PAFAH1B1: variants seen among roughly 807,000 people sequenced by gnomAD.
PAFAH1B1 encodes platelet-activating factor acetylhydrolase IB subunit beta.
In PAFAH1B1, 2 loss-of-function variants were observed where a neutral mutation model predicts 57.5. That is an observed-to-expected ratio of 0.03 (90% CI 0.01 to 0.11). The LOEUF is 0.11. PAFAH1B1 is among the 10% of genes least tolerant of loss of function. PAFAH1B1 has a pLI of 1.00. For missense variants in PAFAH1B1, 257 were observed against 512.0 expected, an observed-to-expected ratio of 0.50 and a Z score of 4.81; for synonymous variants, 152 against 169.6, an observed-to-expected ratio of 0.90 and a Z score of 0.81.
intron 1 of PAFAH1B1, among the ~76,000 whole-genome samples, chr17:2,630,367 A>G (rs1345950038): frequency 1.3e-5 from 2 of 152,142 alleles, no homozygotes; most frequent in African/African-American, 4.8e-5. Context: ...TTCATACACG[A>G]TGCTTGGTTT....
intron 7 of PAFAH1B1, 42 bp downstream of exon 7, chr17:2,672,799 G>A (rs2069201933): frequency 8.0e-7 from 1 of 1,242,524 alleles, no homozygotes; most frequent in Non-Finnish European, 1.2e-6. Context: ...GCCAGGTGCA[G>A]TGGCTCACAC....
In PAFAH1B1 at chr17:2,667,151, C is replaced by T. The variant is rs1451577273; in HGVS notation, c.352C>T (p.Pro118Ser). Residue 118 changes from proline to serine, a missense_variant, in exon 5 of 11, where the codon CCT becomes TCT. Transcript: ENST00000397195. ...RSPVTRVIFH[P>S]VFSVMVSASE... ...TCCAGTCACTCGAGTCATTTTCCAT[C>T]CTGTGTTCAGTGTTATGGTCTCTGC... The T allele has an allele frequency of 1.2e-6, 2 of 1,613,802 alleles. No homozygotes were observed. Among genetic ancestry groups the T allele is most frequent in the Non-Finnish European group, 1.7e-6 (2 of 1,179,778 alleles).
At chr17:2,675,998 T>C (rs1265080673) in intron 8 of PAFAH1B1, among the ~76,000 whole-genome samples, 1 of 152,264 alleles carries the variant, frequency 6.6e-6, no homozygotes, top group East Asian at 1.9e-4. Flanking sequence ...CTAACCTAAA[T>C]AGAGACTTCT....
At chr17:2,621,099 AT>A (rs1168799884) in intron 1 of PAFAH1B1, among the ~76,000 whole-genome samples, 2 of 152,198 alleles carry the variant, frequency 1.3e-5, no homozygotes, top group Admixed American at 1.3e-4. Context: ...TCATAAATGA[AT>A]TTGAAAAAAT....
intron 1 of PAFAH1B1, among the ~76,000 whole-genome samples, chr17:2,611,676 AAAG>A (rs920129541): frequency 2.0e-5 from 3 of 152,104 alleles, no homozygotes; most frequent in African/African-American, 7.2e-5. Context: ...GAATTTTAAA[AAAG>A]AAGAGTGAGA....
At chr17:2,665,905 C>T in intron 3 of PAFAH1B1, 111 bp from the exon 4 acceptor site, 1 of 1,177,436 alleles carries the variant, frequency 8.5e-7, no homozygotes, top group Non-Finnish European at 1.2e-6. Context: ...CAGCCACTCC[C>T]TTTTTTTATA....
rs1456056088 is a variant in PAFAH1B1 at position 2,682,501 on chromosome 17, G to C, written c.*699G>C. 1.3e-5 allele frequency: 2 copies of C among 152,516 alleles called. No homozygotes were observed. Among genetic ancestry groups the C allele is most frequent in the East Asian group, 3.9e-4 (2 of 5,192 alleles). 9.4% of individuals were successfully genotyped at this position (152,516 alleles called of 1,614,324 possible). On this transcript the variant is annotated 3_prime_UTR_variant, in exon 11 of 11. Coordinates refer to ENST00000397195, the MANE Select transcript of PAFAH1B1 (RefSeq NM_000430.4). ...ATAGCAACTCATTTATTTCATTTTG[G>C]TCTTAATGCTTTGTAAACAGGTCAA...
chr17:2,648,950 T>C (rs948163924), intron 2 of PAFAH1B1, among the ~76,000 whole-genome samples: 51 of 152,080 alleles, frequency 3.4e-4, no homozygotes, highest in African/African-American at 1.1e-3. Context: ...GCTCATGTAG[T>C]AAGGCAACAG....
intron 2 of PAFAH1B1, among the ~76,000 whole-genome samples, chr17:2,644,404 G>A (rs571822462): frequency 8.0e-4 from 121 of 152,162 alleles, no homozygotes; most frequent in Non-Finnish European, 2.4e-4. Context: ...TGAGCCGGGC[G>A]TGGTGGTGGG....
rs563940151 is a variant in PAFAH1B1 at position 2,674,424 on chromosome 17, C to T, written c.900+136C>T. The T allele has an allele frequency of 2.6e-4, 186 of 707,336 alleles. 1 individual carries two copies. In the South Asian group the frequency reaches 2.8e-3, roughly 11 times the overall value. 43.8% of individuals were successfully genotyped at this position (707,336 alleles called of 1,614,324 possible). A position where few individuals can be genotyped will look rare whatever the true frequency, so the allele number is the denominator to read the frequency against. ...CAGCAATTCTGAATCTTGAAATTCT[C>T]TACTCTTCACAGCTTGCTGATGTGT... On this transcript the variant is annotated intron_variant, in intron 8 of 10. Coordinates refer to ENST00000397195, the MANE Select transcript of PAFAH1B1 (RefSeq NM_000430.4).
rs142885405 is a variant in PAFAH1B1 at position 2,626,168 on chromosome 17, C to T, written c.-190-11931C>T. On this transcript the variant is annotated intron_variant, in intron 1 of 10. Transcript: ENST00000397195. ...ACTCGGGAGGCTGAGGCAAAACAAT[C>T]GCTTGAACCCAGGAGGCAGAGGTTG... Among the ~76,000 whole-genome samples, 459 of 151,954 alleles carry T rather than the reference C, an allele frequency of 3.0e-3. 1 individual carries two copies. Among genetic ancestry groups the T allele is most frequent in the African/African-American group, 9.8e-3 (407 of 41,456 alleles).
chr17:2,657,769 A>T (rs998878668), intron 2 of PAFAH1B1, among the ~76,000 whole-genome samples: 5 of 152,132 alleles, frequency 3.3e-5, no homozygotes, highest in African/African-American at 1.2e-4. Context: ...TGCTCCTCAG[A>T]TAGGTTTACA....
At position 2,682,909 on chromosome 17, in the gene PAFAH1B1, AAG is replaced by A. The variant is rs1299763689; in HGVS notation, c.*1108_*1109del. On this transcript the variant is annotated 3_prime_UTR_variant, in exon 11 of 11. Coordinates refer to ENST00000397195, the MANE Select transcript of PAFAH1B1 (RefSeq NM_000430.4). ...CTTTTGTTTATATGTAAATGTTTGT[AAG>A]TATATGGGCCTATCTGTAAGTGGAT... 1.3e-5 allele frequency: 2 copies of A among 152,630 alleles called. No homozygotes were observed. The highest frequency in any genetic ancestry group is 2.9e-5 in the Non-Finnish European group (2 of 68,036). The allele number at this position is 152,630 out of a possible 1,614,324, so 9.5% of individuals were successfully genotyped here.
chr17:2,597,330 G>A (rs576313739), intron 1 of PAFAH1B1, among the ~76,000 whole-genome samples: 1 of 150,098 alleles, frequency 6.7e-6, no homozygotes, highest in Non-Finnish European at 1.5e-5. Flanking sequence ...CTAGTGTAAA[G>A]AGATTTTGAG....
intron 1 of PAFAH1B1, among the ~76,000 whole-genome samples, chr17:2,636,488 T>G (rs1231191637): frequency 2.6e-5 from 4 of 152,172 alleles, no homozygotes; most frequent in Non-Finnish European, 5.9e-5. Flanking sequence ...ACTCTTCCTC[T>G]GTTGCCCAGA....
chr17:2,597,672 G>T (rs1444290032), intron 1 of PAFAH1B1, among the ~76,000 whole-genome samples: 1 of 151,528 alleles, frequency 6.6e-6, no homozygotes, highest in East Asian at 1.9e-4. Context: ...GCCTCTCAAA[G>T]TTCTGGAATT....
At chr17:2,634,032 T>C (rs1444080850) in intron 1 of PAFAH1B1, among the ~76,000 whole-genome samples, 4 of 150,660 alleles carry the variant, frequency 2.7e-5, no homozygotes, top group African/African-American at 9.8e-5. Context: ...AGTTTGGTAC[T>C]GGAGATTTCA....
chr17:2,649,823 C>T (rs942625261), intron 2 of PAFAH1B1, among the ~76,000 whole-genome samples: 11 of 152,072 alleles, frequency 7.2e-5, no homozygotes, highest in African/African-American at 2.7e-4. Context: ...CTGAATCTAT[C>T]AGATATACAA....
chr17:2,668,171 A>G (rs2069133542), intron 5 of PAFAH1B1, among the ~76,000 whole-genome samples: 1 of 151,790 alleles, frequency 6.6e-6, no homozygotes, highest in African/African-American at 2.4e-5. Flanking sequence ...CTAAAATACA[A>G]AAAAATTAGC....
Sources: gnomAD v4.1 joint callset for allele counts (sites outside exome capture counted in the v4.1 genomes callset) on GRCh38, gnomAD v4.1.1 for gene constraint, MANE v1.5 for transcripts, NCBI Gene and HGNC (gene_info 2026-07-23, HGNC 2026-07-21) for gene names.